TTF1: variants seen among roughly 807,000 people sequenced by gnomAD.
The protein encoded by TTF1 is transcription termination factor, RNA polymerase I.
Under a neutral mutation model 80.2 loss-of-function variants are expected in TTF1, and 64 were observed. The observed-to-expected ratio is 0.80, with a 90% CI of 0.65 to 0.98. TTF1 has a LOEUF of 0.98. TTF1 is among the 50% of genes least tolerant of loss of function. TTF1 has a pLI of 0.00. For synonymous variants in TTF1, 372 were observed against 382.7 expected (o/e 0.97, Z 0.33); for missense variants, 1,023 against 1,086.2 (o/e 0.94, Z 0.82).
At chr9:132,391,310 A>G (rs916210606) in intron 6 of TTF1, among the ~76,000 whole-genome samples, 4 of 152,172 alleles carry the variant, frequency 2.6e-5, no homozygotes, top group Non-Finnish European at 5.9e-5. Flanking sequence ...CGGATGCCCC[A>G]AAGTATCAAC....
In TTF1 at chr9:132,402,329, C is replaced by T. The variant is rs1849782244; in HGVS notation, c.493G>A (p.Glu165Lys). 6.2e-7 allele frequency: 1 copy of T among 1,614,104 alleles called. No individual in the cohort carries two copies. ...CTCTGATGCTTTTTATTCTTTTTCT[C>T]CCTAACTTTACTGTGCAGGGCTTCT... ...KSEALHSKVR[E>K]KKNKKHQRKA... The change falls in exon 2 of 11, where the codon GAG (glutamate) becomes AAG (lysine). Residue 165 changes from glutamate to lysine, a missense_variant. Glu to Lys is a moderately conservative substitution (Grantham distance 56, BLOSUM62 1). Transcript: ENST00000334270.
rs1589817741 is a variant in TTF1 at position 132,384,325 on chromosome 9, T to A, written c.2378+2231A>T. 6.6e-6 allele frequency among the ~76,000 whole-genome samples: 1 copy of A among 152,096 alleles called. No homozygotes were observed. On this transcript the variant is annotated intron_variant, in intron 9 of 10. Coordinates refer to ENST00000334270, the MANE Select transcript of TTF1 (RefSeq NM_007344.4). The surrounding 1 kb of genome is among the most constrained non-coding windows in gnomAD (Gnocchi z 4.1). ...AAATGGAAAATGAGCTAAGAACCCA[T>A]CTCAAGAAGTTGAAGAACAGCAGCA...
At chr9:132,396,548 T>C in intron 4 of TTF1, 37 bp from the exon 5 acceptor site, 1 of 1,586,044 alleles carries the variant, frequency 6.3e-7, no homozygotes, top group Non-Finnish European at 8.7e-7. Flanking sequence ...GGGACTCACA[T>C]GAAATGAAGT....
chr9:132,405,884 C>T (rs1219779187), intron 1 of TTF1, among the ~76,000 whole-genome samples: 3 of 152,204 alleles, frequency 2.0e-5, no homozygotes, highest in African/African-American at 4.8e-5. Context: ...GCTCTTCCTC[C>T]GCATTACCTT....
Position 132,401,435 on chromosome 9 carries a change from G to C in TTF1, c.1367+20C>G. 9.5e-6 allele frequency: 15 copies of C among 1,582,660 alleles called. No individual in the cohort carries two copies. The highest frequency in any genetic ancestry group is 1.3e-5 in the Non-Finnish European group (15 of 1,164,322). On this transcript the variant is annotated intron_variant, in intron 2 of 10. Coordinates refer to ENST00000334270, the MANE Select transcript of TTF1 (RefSeq NM_007344.4). Reference sequence around the variant, plus strand: ...TACGAAAGAAATATACCAGCAGCTGGAATACCACTCCCTCGTTACCTTGGC... The same window carrying C: ...TACGAAAGAAATATACCAGCAGCTGCAATACCACTCCCTCGTTACCTTGGC...
intron 7 of TTF1, among the ~76,000 whole-genome samples, chr9:132,389,666 C>A (rs924410106): frequency 9.8e-5 from 15 of 152,300 alleles, no homozygotes; most frequent in African/African-American, 3.6e-4. Context: ...TCAAGAGCCA[C>A]TGAGTGCCCT....
intron 9 of TTF1, among the ~76,000 whole-genome samples, 192 bp downstream of exon 9, chr9:132,386,364 C>T (rs1304542864): frequency 1.3e-5 from 2 of 152,198 alleles, no homozygotes; most frequent in Non-Finnish European, 2.9e-5. Flanking sequence ...TACGTATACA[C>T]TGCTCCTAAA....
Position 132,378,952 on chromosome 9 carries a change from G to A in TTF1, c.2464+107C>T, listed in dbSNP as rs1410212955. The stretch of plus-strand genomic sequence containing the variant: ...TGCCTGTTTCCACCATTTTGCAGCT[G>A]ATGAAGCTGAGGCTCTAAGTCCAGT... On this transcript the variant is annotated intron_variant, in intron 10 of 10. Transcript: ENST00000334270. The A allele has an allele frequency of 6.6e-6, 5 of 752,796 alleles. No individual in the cohort carries two copies. The East Asian group carries it at 8.3e-5, about 13-fold the overall frequency. The allele number at this position is 752,796 out of a possible 1,614,324, so 46.6% of individuals were successfully genotyped here. A position where few individuals can be genotyped will look rare whatever the true frequency, so the allele number is the denominator to read the frequency against.
At chr9:132,404,764 A>G (rs1316239928) in intron 1 of TTF1, among the ~76,000 whole-genome samples, 1 of 152,084 alleles carries the variant, frequency 6.6e-6, no homozygotes, top group Non-Finnish European at 1.5e-5. Flanking sequence ...CCACTACTCC[A>G]CTGAGACCGT....
At chr9:132,378,189 G>T in intron 10 of TTF1, among the ~76,000 whole-genome samples, 1 of 134,018 alleles carries the variant, frequency 7.5e-6, no homozygotes, top group Non-Finnish European at 1.6e-5. Flanking sequence ...TGCATGTGGT[G>T]TGAGTGCATG....
At chr9:132,396,593 A>C in intron 4 of TTF1, 82 bp from the exon 5 acceptor site, 2 of 1,072,628 alleles carry the variant, frequency 1.9e-6, no homozygotes, top group Non-Finnish European at 2.9e-6. Context: ...CAGCCCTTAT[A>C]ACAACATGAA....
chr9:132,388,329 A>C, intron 7 of TTF1, 101 bp from the exon 8 acceptor site: 1 of 753,730 alleles, frequency 1.3e-6, no homozygotes, highest in Non-Finnish European at 2.0e-6. Context: ...TTCAGAACCA[A>C]CTTCTAACTT....
intron 7 of TTF1, 116 bp downstream of exon 7, chr9:132,390,481 A>T: frequency 1.1e-6 from 1 of 936,368 alleles, no homozygotes; most frequent in South Asian, 1.6e-5. Context: ...GCAGCAGACT[A>T]GACACGATTG....
chr9:132,388,334 T>C, intron 7 of TTF1, 106 bp from the exon 8 acceptor site: 1 of 722,474 alleles, frequency 1.4e-6, no homozygotes. Flanking sequence ...AACCAACTTC[T>C]AACTTTTCTT....
At chr9:132,405,434 C>T (rs2131661620) in intron 1 of TTF1, among the ~76,000 whole-genome samples, 1 of 152,096 alleles carries the variant, frequency 6.6e-6, no homozygotes, top group African/African-American at 2.4e-5. Context: ...TCTTGAACTC[C>T]TGACCTCAGG....
At chr9:132,394,167 C>T (rs1849606441) in intron 5 of TTF1, among the ~76,000 whole-genome samples, 1 of 152,120 alleles carries the variant, frequency 6.6e-6, no homozygotes, top group African/African-American at 2.4e-5. Context: ...TCCCAAAGTG[C>T]TGGGATTACA....
intron 9 of TTF1, among the ~76,000 whole-genome samples, chr9:132,380,282 C>G (rs1484018532): frequency 1.3e-5 from 2 of 152,098 alleles, no homozygotes; most frequent in Non-Finnish European, 2.9e-5. Flanking sequence ...CTTCACCATG[C>G]TGGCCAGACT....
At chr9:132,390,133 C>G (rs915755000) in intron 7 of TTF1, among the ~76,000 whole-genome samples, 1 of 152,052 alleles carries the variant, frequency 6.6e-6, no homozygotes, top group African/African-American at 2.4e-5. Flanking sequence ...CTGTGAGCCA[C>G]CACACTTGGC....
chr9:132,376,247 G>A, intron 10 of TTF1, 79 bp from the exon 11 acceptor site: 1 of 1,444,754 alleles, frequency 6.9e-7, no homozygotes, highest in Non-Finnish European at 9.3e-7. Flanking sequence ...CAGGAGGCTG[G>A]TAATGAATAT....
Sources: gnomAD v4.1 joint callset for allele counts (sites outside exome capture counted in the v4.1 genomes callset) on GRCh38, gnomAD v4.1.1 for gene constraint, Gnocchi (gnomAD v3.1) non-coding constraint, MANE v1.5 for transcripts, NCBI Gene and HGNC (gene_info 2026-07-23, HGNC 2026-07-21) for gene names.